Variants in PACRG observed in about 807,000 individuals in gnomAD.
PACRG encodes the protein parkin coregulated, also known as parkin coregulated gene protein.
In PACRG, 29 loss-of-function variants were observed where a neutral mutation model predicts 29.7. The observed-to-expected ratio is 0.98, with a 90% CI of 0.73 to 1.33. The LOEUF is 1.33. Ranked by LOEUF, PACRG falls within the 40% of genes most tolerant of loss-of-function variation. The pLI is 0.00. For synonymous variants in PACRG, 116 were observed against 118.7 expected, an observed-to-expected ratio of 0.98 and a Z score of 0.15; for missense variants, 279 against 316.2, an observed-to-expected ratio of 0.88 and a Z score of 0.89.
chr6:163,203,409 C>T (rs990438957), intron 4 of PACRG, among the ~76,000 whole-genome samples: 1 of 151,930 alleles, frequency 6.6e-6, no homozygotes, highest in African/African-American at 2.4e-5. Context: ...GAGATTCCGT[C>T]TCAAAAACAA....
chr6:163,182,680 A>AT (rs1779728148), intron 4 of PACRG: 1 of 152,264 alleles, frequency 6.6e-6, no homozygotes, highest in African/African-American at 2.4e-5. Flanking sequence ...TCTTACATAA[A>AT]TGTAGCATTT....
chr6:163,091,544 G>T (rs993888263), intron 4 of PACRG, among the ~76,000 whole-genome samples: 4 of 152,100 alleles, frequency 2.6e-5, no homozygotes, highest in African/African-American at 9.7e-5. Flanking sequence ...ACATTTTTCT[G>T]ACATTTGTAG....
chr6:162,889,691 A>G (rs1794617474), intron 2 of PACRG, among the ~76,000 whole-genome samples: 1 of 152,262 alleles, frequency 6.6e-6, no homozygotes, highest in African/African-American at 2.4e-5. Context: ...AGAAATCTGT[A>G]TATGTGGCTT....
chr6:163,313,377 T>C (rs1367789201), intron 4 of PACRG, among the ~76,000 whole-genome samples: 2 of 152,098 alleles, frequency 1.3e-5, no homozygotes, highest in African/African-American at 4.8e-5. Context: ...AGAATAAGGA[T>C]AGAAATTTAT....
intron 4 of PACRG, among the ~76,000 whole-genome samples, chr6:163,275,666 TC>T (rs1783998473): frequency 6.6e-6 from 1 of 152,236 alleles, no homozygotes; most frequent in Middle Eastern, 3.2e-3. Context: ...ATAAGTTTTC[TC>T]CCTTTTAAGT....
intron 4 of PACRG, among the ~76,000 whole-genome samples, chr6:163,236,874 G>A (rs904310028): frequency 6.6e-6 from 1 of 152,178 alleles, no homozygotes; most frequent in Non-Finnish European, 1.5e-5. Flanking sequence ...GGCAAAAGCT[G>A]AAGGAGAAGC....
intron 2 of PACRG, among the ~76,000 whole-genome samples, chr6:162,830,529 C>T (rs1391043553): frequency 1.3e-5 from 2 of 152,258 alleles, no homozygotes; most frequent in African/African-American, 4.8e-5. Context: ...ATCCCCCTCT[C>T]CCCAGGGACA....
chr6:162,978,662 TA>T (rs916820771), intron 2 of PACRG, among the ~76,000 whole-genome samples: 1 of 151,892 alleles, frequency 6.6e-6, no homozygotes, highest in African/African-American at 2.4e-5. Flanking sequence ...CTTGCCCTTC[TA>T]AAAAAAACTG....
At chr6:162,856,377 A>G (rs1791398795) in intron 2 of PACRG, among the ~76,000 whole-genome samples, 1 of 152,294 alleles carries the variant, frequency 6.6e-6, no homozygotes, top group East Asian at 1.9e-4. Flanking sequence ...CATTGTGCAT[A>G]TAGCCGTGGA....
At chr6:162,969,377 C>CTGCTACCCCATCATCTCTTCTGTCCAT (rs1285445040) in intron 2 of PACRG, among the ~76,000 whole-genome samples, 1 of 152,064 alleles carries the variant, frequency 6.6e-6, no homozygotes, top group Non-Finnish European at 1.5e-5. Flanking sequence ...CTCCTGTCCA[C>CTGCTACCCCATCATCTCTTCTGTCCAT]TGCTACCCCA....
intron 2 of PACRG, among the ~76,000 whole-genome samples, chr6:162,986,432 A>G (rs1802896559): frequency 6.6e-6 from 1 of 152,206 alleles, no homozygotes; most frequent in Non-Finnish European, 1.5e-5. Context: ...CTGATCTTAG[A>G]CAAAGCAAAC....
intron 2 of PACRG, among the ~76,000 whole-genome samples, chr6:162,893,060 C>G (rs1378108326): frequency 6.6e-6 from 1 of 152,112 alleles, no homozygotes; most frequent in Non-Finnish European, 1.5e-5. Flanking sequence ...GAGCCTCGGC[C>G]CACACCCCTC....
intron 2 of PACRG, among the ~76,000 whole-genome samples, chr6:163,022,945 T>A (rs867450327): frequency 1.3e-5 from 2 of 152,302 alleles, no homozygotes; most frequent in Middle Eastern, 6.8e-3. Flanking sequence ...ATTTCCTAAT[T>A]TTTTTTCATA....
chr6:163,015,124 T>C (rs1180411597), intron 2 of PACRG, among the ~76,000 whole-genome samples: 1 of 152,200 alleles, frequency 6.6e-6, no homozygotes, highest in African/African-American at 2.4e-5. Flanking sequence ...TTGTTGCTTA[T>C]TTTTGTCAAC....
At chr6:162,981,392 ACACACACACG>A (rs1005304196) in intron 2 of PACRG, among the ~76,000 whole-genome samples, 2 of 151,698 alleles carry the variant, frequency 1.3e-5, no homozygotes, top group Admixed American at 1.3e-4. Context: ...ATGTATATAT[ACACACACACG>A]CACACACATA....
intron 4 of PACRG, among the ~76,000 whole-genome samples, chr6:163,116,353 C>T (rs779702833): frequency 2.6e-5 from 4 of 152,090 alleles, no homozygotes; most frequent in Admixed American, 6.5e-5. Flanking sequence ...GGGGGAAATC[C>T]GCAGCCATGA....
chr6:162,844,908 T>C (rs1290673311), intron 2 of PACRG, among the ~76,000 whole-genome samples: 1 of 152,228 alleles, frequency 6.6e-6, no homozygotes, highest in Non-Finnish European at 1.5e-5. Flanking sequence ...GCTTTTATTA[T>C]TATTTTTTAG....
chr6:162,891,317 C>T (rs1238672471), intron 2 of PACRG, among the ~76,000 whole-genome samples: 1 of 152,128 alleles, frequency 6.6e-6, no homozygotes, highest in Non-Finnish European at 1.5e-5. Context: ...AGTTGAGGCA[C>T]TAAGTAGAAG....
chr6:163,230,772 GT>G (rs201990871), intron 4 of PACRG, among the ~76,000 whole-genome samples: 10 of 151,910 alleles, frequency 6.6e-5, no homozygotes, highest in East Asian at 5.8e-4. Flanking sequence ...ACTGCTGTAG[GT>G]GCAGAGTTAG....
Sources: allele counts gnomAD v4.1 joint callset (sites outside exome capture counted in the v4.1 genomes callset), GRCh38; gene constraint gnomAD v4.1.1; transcripts MANE v1.5; gene names NCBI Gene and HGNC (gene_info 2026-07-23, HGNC 2026-07-21).